Variants in NFAM1 observed in about 807,000 individuals in gnomAD.
NFAM1 encodes NFAT activation molecule 1.
NFAM1 carries 17 observed loss-of-function variants against 29.0 expected under a neutral mutation model. That is an observed-to-expected ratio of 0.59 (90% confidence interval 0.40 to 0.88). NFAM1 has a LOEUF of 0.88. NFAM1 is among the 40% of genes least tolerant of loss of function. NFAM1 has a pLI of 0.00. For missense variants in NFAM1, 324 were observed against 344.6 expected (o/e 0.94, Z 0.47); for synonymous variants, 175 against 147.2 (o/e 1.19, Z -1.36).
chr22:42,395,709 C>T (rs1284539052), intron 4 of NFAM1, among the ~76,000 whole-genome samples: 7 of 150,912 alleles, frequency 4.6e-5, no homozygotes, highest in Admixed American at 3.3e-4. Flanking sequence ...GGTGAAACCC[C>T]GTCTCTACTA....
In NFAM1 at chr22:42,419,085, G is replaced by A. The variant is rs917790885; in HGVS notation, c.122-7349C>T. Among the ~76,000 whole-genome samples the A allele has an allele frequency of 1.3e-5, 2 of 152,182 alleles. No homozygotes were observed. Among genetic ancestry groups the A allele is most frequent in the South Asian group, 2.1e-4 (1 of 4,832 alleles). ...GAGTTGCTATCCTCCCACACCTGGC[G>A]CGGGGACCACATGCCGAGTGAGTCC... On this transcript the variant is annotated intron_variant, in intron 1 of 5. Coordinates refer to ENST00000329021, the MANE Select transcript of NFAM1 (RefSeq NM_145912.8). The surrounding 1 kb of genome is among the most constrained non-coding windows in gnomAD (Gnocchi z 4.5).
At chr22:42,405,922 T>C (rs1190325805) in intron 3 of NFAM1, among the ~76,000 whole-genome samples, 5 of 152,126 alleles carry the variant, frequency 3.3e-5, no homozygotes, top group Non-Finnish European at 5.9e-5. Flanking sequence ...AGGCAGGAAA[T>C]GCAGCCCCTG....
intron 1 of NFAM1, among the ~76,000 whole-genome samples, chr22:42,416,940 C>T (rs886641222): frequency 1.3e-5 from 2 of 151,892 alleles, no homozygotes; most frequent in Non-Finnish European, 2.9e-5. Flanking sequence ...TACCAGACGC[C>T]GGGGGCTGAG....
chr22:42,386,918 C>T (rs1329471699), intron 5 of NFAM1, 71 bp downstream of exon 5: 4 of 824,742 alleles, frequency 4.9e-6, no homozygotes, highest in Admixed American at 5.6e-5. Flanking sequence ...CCATTTGCCC[C>T]CCCACTTCAC....
intron 1 of NFAM1, among the ~76,000 whole-genome samples, chr22:42,429,089 G>C (rs889498810): frequency 2.6e-5 from 4 of 152,216 alleles, no homozygotes; most frequent in Non-Finnish European, 5.9e-5. Flanking sequence ...GCAGGAGCAG[G>C]TACCCAGGAT....
At chr22:42,430,556 C>CAAA (rs10684230) in intron 1 of NFAM1, among the ~76,000 whole-genome samples, 4,819 of 72,564 alleles carry the variant, frequency 0.066, 358 homozygotes, top group African/African-American at 0.18. Context: ...GTGAAACTCT[C>CAAA]AAAAAAAAAA....
chr22:42,395,123 A>G (rs5996150), intron 4 of NFAM1, among the ~76,000 whole-genome samples: 25,272 of 151,876 alleles, frequency 0.17, 2,253 homozygotes, highest in African/African-American at 0.21. Context: ...GAAGTAAGCC[A>G]AGATCACACC....
chr22:42,411,667 C>T lies in NFAM1; in HGVS notation c.191G>A (p.Ser64Asn). Reference sequence around the variant, plus strand: ...AGTGTATGGATAGGTGATCCTGCAGCTGAAGGAGATAGCTGTGTTGGCCAG... The same window carrying T: ...AGTGTATGGATAGGTGATCCTGCAGTTGAAGGAGATAGCTGTGTTGGCCAG... ...ASLANTAISF[S>N]CRITYPYTPQ... Residue 64 changes from serine to asparagine, a missense_variant, in exon 2 of 6, where the codon AGC becomes AAC. Coordinates refer to ENST00000329021, the MANE Select transcript of NFAM1 (RefSeq NM_145912.8). 1 of 1,614,112 alleles carries T rather than the reference C, an allele frequency of 6.2e-7. No homozygotes were observed.
rs749245705 is a variant in NFAM1, at chr22:42,409,576, G to T, written c.452-29C>A. On this transcript the variant is annotated intron_variant, in intron 2 of 5. Transcript: ENST00000329021. The surrounding 1 kb of genome is among the most constrained non-coding windows in gnomAD (Gnocchi z 4.9). The stretch of plus-strand genomic sequence containing the variant: ...GGAGGAAGCGCAGGGGAGCAGAGGG[G>T]TCAGTGACCCAGGAGAAAGCGGGGC... The T allele has an allele frequency of 8.4e-7, 1 of 1,193,514 alleles. No individual in the cohort carries two copies. 73.9% of individuals were successfully genotyped at this position (1,193,514 alleles called of 1,614,324 possible). A position where few individuals can be genotyped will look rare whatever the true frequency, so the allele number is the denominator to read the frequency against.
intron 4 of NFAM1, among the ~76,000 whole-genome samples, chr22:42,391,858 T>C (rs541666874): frequency 7.1e-4 from 102 of 144,558 alleles, no homozygotes; most frequent in African/African-American, 2.5e-3. Flanking sequence ...GGCAAGAGAA[T>C]CACTTGAACC....
At chr22:42,417,658 C>T (rs914907961) in intron 1 of NFAM1, among the ~76,000 whole-genome samples, 2 of 152,148 alleles carry the variant, frequency 1.3e-5, no homozygotes, top group Non-Finnish European at 2.9e-5. Flanking sequence ...CCTGAACTCT[C>T]CTGCCTGGCC....
At chr22:42,430,086 GTCTC>G (rs375394724) in intron 1 of NFAM1, among the ~76,000 whole-genome samples, 1 of 150,662 alleles carries the variant, frequency 6.6e-6, no homozygotes, top group Non-Finnish European at 1.5e-5. Flanking sequence ...AACACTGTGA[GTCTC>G]TATCTCTACG....
At chr22:42,421,302 T>C (rs1301146828) in intron 1 of NFAM1, among the ~76,000 whole-genome samples, 3 of 151,376 alleles carry the variant, frequency 2.0e-5, no homozygotes, top group African/African-American at 7.3e-5. Context: ...AATACAAAAA[T>C]TAGCCAGGTG....
chr22:42,430,788 G>T (rs1051092742), intron 1 of NFAM1, among the ~76,000 whole-genome samples: 1 of 152,080 alleles, frequency 6.6e-6, no homozygotes, highest in Non-Finnish European at 1.5e-5. Flanking sequence ...CTTACTGCTC[G>T]GTTACCAGGG....
At chr22:42,385,313 C>A in intron 5 of NFAM1, 93 bp from the exon 6 acceptor site, 1 of 895,058 alleles carries the variant, frequency 1.1e-6, no homozygotes, top group South Asian at 1.3e-5. Flanking sequence ...AGCCAGAGGG[C>A]AACAGATCAC....
chr22:42,385,252 GAGAA>G (rs1308126702), intron 5 of NFAM1, 32 bp from the exon 6 acceptor site: 32 of 1,409,314 alleles, frequency 2.3e-5, no homozygotes, highest in Admixed American at 5.0e-5. Context: ...GAGGGAAGGA[GAGAA>G]AGAGAGAGAA....
rs573460940 is a variant in NFAM1, at chr22:42,425,722, C to T, written c.121+6515G>A. Among the ~76,000 whole-genome samples, 8 of 152,344 alleles carry T rather than the reference C, an allele frequency of 5.3e-5. No individual in the cohort carries two copies. The South Asian group carries it at 6.2e-4, about 12-fold the overall frequency. On this transcript the variant is annotated intron_variant, in intron 1 of 5. Transcript: ENST00000329021. ...TGACCTTCCCTCCTCTTCCCCTCCA[C>T]GCCCAGCCTTCCTGAGCCCGCGTAC...
chr22:42,408,138 C>T (rs1411347782), intron 3 of NFAM1, among the ~76,000 whole-genome samples: 3 of 152,140 alleles, frequency 2.0e-5, no homozygotes, highest in Admixed American at 6.5e-5. Flanking sequence ...AAGTGATCCA[C>T]CCACCTCGGC....
At chr22:42,433,794 A>T (rs986207991), upstream of NFAM1, among the ~76,000 whole-genome samples, 7 of 152,196 alleles carry the variant, frequency 4.6e-5, no homozygotes, top group Non-Finnish European at 8.8e-5. Flanking sequence ...ACATGCTCAC[A>T]TATGTCACAG....
Sources: gnomAD v4.1 joint callset for allele counts (sites outside exome capture counted in the v4.1 genomes callset) on GRCh38, gnomAD v4.1.1 for gene constraint, Gnocchi (gnomAD v3.1) non-coding constraint, MANE v1.5 for transcripts, NCBI Gene and HGNC (gene_info 2026-07-23, HGNC 2026-07-21) for gene names.